NR2F6: variants seen among roughly 807,000 people sequenced by gnomAD.
The protein encoded by NR2F6 is nuclear receptor subfamily 2 group F member 6, also known as ERBA-related gene-2.
Under a neutral mutation model 26.5 loss-of-function variants are expected in NR2F6, and 16 were observed. That is an observed-to-expected ratio of 0.60 (90% CI 0.41 to 0.92). The LOEUF (loss-of-function observed/expected upper bound fraction) is 0.92. Ranked by LOEUF, NR2F6 falls within the 40% of genes least tolerant of loss-of-function variation. NR2F6 has a pLI of 0.00. For missense variants in NR2F6, 536 were observed against 631.7 expected (o/e 0.85, Z 1.62); for synonymous variants, 325 against 305.0 (o/e 1.07, Z -0.68).
At position 17,235,336 on chromosome 19, in the gene NR2F6, C is replaced by T. The variant is rs902072635; in HGVS notation, c.940+163G>A. Reference sequence around the variant, plus strand: ...CACAGTGTCACACTGCTTACATCACCCCTCTACAGCCACCCAAGAGCGTTC... The same window carrying T: ...CACAGTGTCACACTGCTTACATCACTCCTCTACAGCCACCCAAGAGCGTTC... On this transcript the variant is annotated intron_variant, in intron 3 of 3. Coordinates refer to ENST00000291442, the MANE Select transcript of NR2F6 (RefSeq NM_005234.4). The surrounding 1 kb of genome is among the most constrained non-coding windows in gnomAD (Gnocchi z 5.0). Among the ~76,000 whole-genome samples the T allele has an allele frequency of 6.6e-5, 10 of 152,222 alleles. No homozygotes were observed. The highest frequency in any genetic ancestry group is 2.2e-4 in the African/African-American group (9 of 41,464).
At chr19:17,238,043 G>GA (rs1196761468) in intron 2 of NR2F6, among the ~76,000 whole-genome samples, 1 of 152,134 alleles carries the variant, frequency 6.6e-6, no homozygotes, top group Non-Finnish European at 1.5e-5. Flanking sequence ...AGGAGGCTGA[G>GA]GTGGGAGAAT....
chr19:17,242,394 G>A (rs2073474406), intron 1 of NR2F6, among the ~76,000 whole-genome samples: 1 of 152,168 alleles, frequency 6.6e-6, no homozygotes, highest in Admixed American at 6.5e-5. Context: ...GGTGGCGACT[G>A]CCCCACTGAG....
chr19:17,234,122 C>T (rs2058563514), intron 3 of NR2F6, among the ~76,000 whole-genome samples: 1 of 151,304 alleles, frequency 6.6e-6, no homozygotes, highest in South Asian at 2.1e-4. Flanking sequence ...ACTCAGGAGG[C>T]TGAGGCAGGA....
At position 17,235,646 on chromosome 19, in the gene NR2F6, G is replaced by A. The variant is rs1450429792; in HGVS notation, c.793C>T (p.Leu265Phe). The stretch of plus-strand genomic sequence containing the variant: ...TCGGCGGCCATAGGCGCGGCGTGGA[G>A]GCCGGCGGCGGCCAGTAGCGGCGCC... ...HTAPLLAAAG[L>F]HAAPMAAERA... The change falls in exon 3 of 4, where the codon CTC becomes TTC. Residue 265 changes from leucine (L) to phenylalanine (F), a missense_variant. Leu to Phe is a conservative substitution (Grantham distance 22). Coordinates refer to ENST00000291442, the MANE Select transcript of NR2F6 (RefSeq NM_005234.4). This position sits in a 1 kb window ranked among gnomAD's most constrained non-coding sequence, Gnocchi z 5.0. The A allele has an allele frequency of 6.5e-7, 1 of 1,527,384 alleles. No individual in the cohort carries two copies. Among genetic ancestry groups the A allele is most frequent in the South Asian group, 1.2e-5 (1 of 84,216 alleles). 94.6% of individuals were successfully genotyped at this position (1,527,384 alleles called of 1,614,324 possible). A position where few individuals can be genotyped will look rare whatever the true frequency, so the allele number is the denominator to read the frequency against.
Position 17,232,574 on chromosome 19 carries a change from C to A in NR2F6, c.993G>T (p.Ala331=). Residue 331 remains alanine (A), a synonymous_variant, in exon 4 of 4, where the codon GCG becomes GCT. Transcript: ENST00000291442. ...PAHVESLQEK[A]QVALTEYVRA... The stretch of plus-strand genomic sequence containing the variant: ...GCACATACTCGGTGAGGGCCACCTG[C>A]GCCTTCTCCTGCAGGCTCTCAACGT... 1 of 1,582,784 alleles carries A rather than the reference C, an allele frequency of 6.3e-7. No homozygotes were observed. Among genetic ancestry groups the A allele is most frequent in the Non-Finnish European group, 8.6e-7 (1 of 1,162,712 alleles).
At position 17,232,229 on chromosome 19, in the gene NR2F6, A is replaced by C; in HGVS notation, c.*123T>G. The C allele has an allele frequency of 3.8e-6, 5 of 1,307,572 alleles. No homozygotes were observed. Among genetic ancestry groups the C allele is most frequent in the Non-Finnish European group, 5.2e-6 (5 of 953,288 alleles). The allele number at this position is 1,307,572 out of a possible 1,614,324, so 81.0% of individuals were successfully genotyped here. A position where few individuals can be genotyped will look rare whatever the true frequency, so the allele number is the denominator to read the frequency against. The stretch of plus-strand genomic sequence containing the variant: ...GACAAACATTTCACAGTCTTTAAAA[A>C]ATAGAAGTCTGAGGAGAGAAGCCAG... On this transcript the variant is annotated 3_prime_UTR_variant, in exon 4 of 4. Coordinates refer to ENST00000291442, the MANE Select transcript of NR2F6 (RefSeq NM_005234.4).
chr19:17,232,261 G>A lies in NR2F6; in HGVS notation c.*91C>T. 2.6e-6 allele frequency: 4 copies of A among 1,542,202 alleles called. No homozygotes were observed. Among genetic ancestry groups the A allele is most frequent in the Non-Finnish European group, 3.5e-6 (4 of 1,139,358 alleles). ...GTCTGAGGAGAGAAGCCAGAGTCCT[G>A]GGCCCCGGGAGGCCCCTCGAGGCCT... On this transcript the variant is annotated 3_prime_UTR_variant, in exon 4 of 4. Coordinates refer to ENST00000291442, the MANE Select transcript of NR2F6 (RefSeq NM_005234.4).
intron 1 of NR2F6, 84 bp from the exon 2 acceptor site, chr19:17,240,849 C>A: frequency 7.3e-7 from 1 of 1,373,112 alleles, no homozygotes; most frequent in Non-Finnish European, 1.0e-6. Flanking sequence ...TTGGAGGCTG[C>A]CCCTCAGAAA....
At position 17,232,225 on chromosome 19, in the gene NR2F6, A is replaced by G. The variant is rs2073411137; in HGVS notation, c.*127T>C. On this transcript the variant is annotated 3_prime_UTR_variant, in exon 4 of 4. Transcript: ENST00000291442. ...AAAAGACAAACATTTCACAGTCTTT[A>G]AAAAATAGAAGTCTGAGGAGAGAAG... 1 of 1,271,894 alleles carries G rather than the reference A, an allele frequency of 7.9e-7. No homozygotes were observed. Among genetic ancestry groups the G allele is most frequent in the South Asian group, 1.4e-5 (1 of 69,922 alleles). The allele number at this position is 1,271,894 out of a possible 1,614,324, so 78.8% of individuals were successfully genotyped here. A position where few individuals can be genotyped will look rare whatever the true frequency, so the allele number is the denominator to read the frequency against.
intron 2 of NR2F6, among the ~76,000 whole-genome samples, chr19:17,238,041 G>A (rs1431000079): frequency 6.6e-6 from 1 of 152,172 alleles, no homozygotes; most frequent in Admixed American, 6.5e-5. Flanking sequence ...TCAGGAGGCT[G>A]AGGTGGGAGA....
chr19:17,235,905 G>T lies in NR2F6; in HGVS notation c.534C>A (p.Pro178=). Reference sequence around the variant, plus strand: ...CGAAGCGTCCGGCCGCCGCAGGGTAGGGCTCAGCGCGCAGCAGCTGCGCGA... The same window carrying T: ...CGAAGCGTCCGGCCGCCGCAGGGTATGGCTCAGCGCGCAGCAGCTGCGCGA... ...ELIAQLLRAE[P]YPAAAGRFGA... is the part of the protein sequence containing the mutation. Residue 178 remains proline (P), a synonymous_variant, in exon 3 of 4, where the codon CCC becomes CCA. Transcript: ENST00000291442. This position sits in a 1 kb window ranked among gnomAD's most constrained non-coding sequence, Gnocchi z 5.0. 1 of 1,475,524 alleles carries T rather than the reference G, an allele frequency of 6.8e-7. No individual in the cohort carries two copies. The highest frequency in any genetic ancestry group is 1.3e-5 in the South Asian group (1 of 78,140). 91.4% of individuals were successfully genotyped at this position (1,475,524 alleles called of 1,614,324 possible).
At chr19:17,234,514 T>C (rs921077211) in intron 3 of NR2F6, among the ~76,000 whole-genome samples, 2 of 152,146 alleles carry the variant, frequency 1.3e-5, no homozygotes, top group African/African-American at 4.8e-5. Flanking sequence ...TGATGGGATC[T>C]AGAGACTTCC....
chr19:17,240,612 T>G lies in NR2F6; in HGVS notation c.373+59A>C, dbSNP rs2073463894. 9 of 1,559,904 alleles carry G rather than the reference T, an allele frequency of 5.8e-6. No homozygotes were observed. The South Asian group carries it at 8.9e-5, about 15-fold the overall frequency. The stretch of plus-strand genomic sequence containing the variant: ...GGAAAAAGGGGAGGAAGAAGCTGTT[T>G]GTTCACCCCGGCTCCAGCGGCTGTG... On this transcript the variant is annotated intron_variant, in intron 2 of 3. Transcript: ENST00000291442.
In NR2F6 at chr19:17,235,008, C is replaced by T. The variant is rs996941736; in HGVS notation, c.940+491G>A. Among the ~76,000 whole-genome samples the T allele has an allele frequency of 6.6e-6, 1 of 152,218 alleles. No individual in the cohort carries two copies. The highest frequency in any genetic ancestry group is 6.5e-5 in the Admixed American group (1 of 15,288). On this transcript the variant is annotated intron_variant, in intron 3 of 3. Transcript: ENST00000291442. The surrounding 1 kb of genome is among the most constrained non-coding windows in gnomAD (Gnocchi z 5.0). ...CCCGCCCCTCAACGGGAGGGGCCTC[C>T]GAGCCACGCCCCTACCCAGATCCCT...
Position 17,232,634 on chromosome 19 carries a change from G to A in NR2F6, c.941-8C>T, listed in dbSNP as rs62126223. 2 of 1,523,736 alleles carry A rather than the reference G, an allele frequency of 1.3e-6. No homozygotes were observed. The highest frequency in any genetic ancestry group is 1.8e-6 in the Non-Finnish European group (2 of 1,140,714). 94.4% of individuals were successfully genotyped at this position (1,523,736 alleles called of 1,614,324 possible). ...CTGAGAGGCCACAGGCGTCTAGGGG[G>A]ACAAAGGCAAGTCAGACAGGTGGGA... On this transcript the variant is annotated splice_region_variant and splice_polypyrimidine_tract_variant and intron_variant, in intron 3 of 3. Transcript: ENST00000291442.
intron 2 of NR2F6, among the ~76,000 whole-genome samples, chr19:17,239,818 C>CAAATAA (rs906130807): frequency 2.0e-5 from 3 of 151,264 alleles, no homozygotes; most frequent in Non-Finnish European, 4.4e-5. Context: ...GACTCCATCT[C>CAAATAA]AAATAAAAAT....
rs772060787 is a variant in NR2F6, at chr19:17,232,489, G to A, written c.1078C>T (p.Leu360=). ...ATGAGGGAGGCAGGGACCGCGCGCA[G>A]GGCGGGGAGCCGCAGCAGCAGGCGC... ...FGRLLLRLPA[L]RAVPASLISQ... is the part of the protein sequence containing the mutation. Residue 360 remains leucine (L), a synonymous_variant, in exon 4 of 4, where the codon CTG becomes TTG. Transcript: ENST00000291442. 6.2e-7 allele frequency: 1 copy of A among 1,612,048 alleles called. No homozygotes were observed. Among genetic ancestry groups the A allele is most frequent in the East Asian group, 2.2e-5 (1 of 44,838 alleles).
At chr19:17,243,795 A>G (rs549162203) in intron 1 of NR2F6, among the ~76,000 whole-genome samples, 62 of 152,146 alleles carry the variant, frequency 4.1e-4, no homozygotes, top group African/African-American at 1.3e-3. Context: ...ATCCGAACTC[A>G]GCGGTCCCCA....
intron 2 of NR2F6, among the ~76,000 whole-genome samples, chr19:17,236,967 T>C (rs74524456): frequency 0.01 from 1,547 of 152,332 alleles, 32 homozygotes; most frequent in African/African-American, 0.035. Context: ...CCTGCCTGGC[T>C]TGTGCCGGGG....
Sources: gnomAD v4.1 joint callset for allele counts (sites outside exome capture counted in the v4.1 genomes callset) on GRCh38, gnomAD v4.1.1 for gene constraint, Gnocchi (gnomAD v3.1) non-coding constraint, MANE v1.5 for transcripts, NCBI Gene and HGNC (gene_info 2026-07-23, HGNC 2026-07-21) for gene names.